The following SLIT3 variants were observed in gnomAD, a reference collection of about 807,000 sequenced individuals.
SLIT3 encodes slit guidance ligand 3.
SLIT3 carries 68 observed loss-of-function variants against 184.0 expected under a neutral mutation model. The ratio of observed to expected loss-of-function variants is 0.37; its 90% CI spans 0.30 to 0.45. The LOEUF is 0.45. SLIT3 is among the 20% of genes least tolerant of loss of function. SLIT3 has a pLI of 1.00. For synonymous variants in SLIT3, 831 were observed against 828.6 expected (o/e 1.00, Z -0.05); for missense variants, 1,707 against 2,026.0 (o/e 0.84, Z 3.02).
chr5:169,090,705 C>T (rs1759549661), intron 4 of SLIT3, among the ~76,000 whole-genome samples: 1 of 152,262 alleles, frequency 6.6e-6, no homozygotes, highest in African/African-American at 2.4e-5. Context: ...GACAGACACA[C>T]AGAAGAAAAG....
At chr5:168,727,565 G>A (rs879409394) in intron 20 of SLIT3, among the ~76,000 whole-genome samples, 1 of 152,122 alleles carries the variant, frequency 6.6e-6, no homozygotes, top group Non-Finnish European at 1.5e-5. Context: ...CTGAGGCCTT[G>A]GAGATTATTT....
intron 27 of SLIT3, among the ~76,000 whole-genome samples, chr5:168,697,635 A>G (rs1762101426): frequency 6.6e-6 from 1 of 152,206 alleles, no homozygotes; most frequent in Non-Finnish European, 1.5e-5. Context: ...CAGGCAGTGA[A>G]TTTCAGTGGT....
At chr5:168,675,432 C>A (rs559568211) in intron 32 of SLIT3, among the ~76,000 whole-genome samples, 1 of 152,266 alleles carries the variant, frequency 6.6e-6, no homozygotes, top group East Asian at 1.9e-4. Flanking sequence ...CCATTCTAGC[C>A]CCTTACTGCT....
chr5:168,770,065 AAGAC>A (rs1377521222), intron 14 of SLIT3, among the ~76,000 whole-genome samples: 6 of 152,216 alleles, frequency 3.9e-5, no homozygotes, highest in Non-Finnish European at 8.8e-5. Context: ...GGCATGAAGG[AAGAC>A]AGACAGCACC....
At chr5:169,075,100 A>G (rs188700612) in intron 4 of SLIT3, among the ~76,000 whole-genome samples, 1 of 152,158 alleles carries the variant, frequency 6.6e-6, no homozygotes, top group East Asian at 1.9e-4. Flanking sequence ...ATAATACATC[A>G]CCGAGAGACT....
rs375182422 is a variant in SLIT3, at chr5:169,233,619, G to A, written c.341+11086C>T. Reference sequence around the variant, plus strand: ...CCTATGTAACAAACCTGCACATACCGCACACGTACCCCGGAACTTAAAATT... The same window carrying A: ...CCTATGTAACAAACCTGCACATACCACACACGTACCCCGGAACTTAAAATT... On this transcript the variant is annotated intron_variant, in intron 3 of 35. Transcript: ENST00000519560. Among the ~76,000 whole-genome samples the A allele has an allele frequency of 6.9e-4, 105 of 152,228 alleles. 1 individual carries two copies. The South Asian group carries it at 0.014, about 20-fold the overall frequency.
intron 4 of SLIT3, among the ~76,000 whole-genome samples, chr5:169,113,649 T>C (rs887731887): frequency 6.7e-6 from 1 of 149,306 alleles, no homozygotes; most frequent in South Asian, 2.2e-4. Context: ...ATGCCTTTTT[T>C]TTCTTTTTCT....
chr5:169,195,215 T>G (rs13156959), intron 3 of SLIT3, among the ~76,000 whole-genome samples: 46,711 of 151,982 alleles, frequency 0.31, 7,851 homozygotes, highest in Middle Eastern at 0.42. Context: ...CAAGCAGACA[T>G]GATTTCCTAT....
intron 5 of SLIT3, among the ~76,000 whole-genome samples, chr5:168,849,905 A>G (rs571061598): frequency 1.3e-5 from 2 of 152,256 alleles, no homozygotes; most frequent in Admixed American, 6.5e-5. Flanking sequence ...TTGACATGCT[A>G]TTTCTTTCCT....
At chr5:168,886,547 T>TA (rs1295021560) in intron 4 of SLIT3, among the ~76,000 whole-genome samples, 2 of 152,190 alleles carry the variant, frequency 1.3e-5, no homozygotes, top group Non-Finnish European at 2.9e-5. Context: ...GTTGGGGTTT[T>TA]AGTGTCTCCC....
At chr5:168,816,290 G>A (rs553848789) in intron 8 of SLIT3, among the ~76,000 whole-genome samples, 26 of 152,200 alleles carry the variant, frequency 1.7e-4, no homozygotes, top group African/African-American at 4.8e-4. Context: ...AGGTTCAAGC[G>A]ATTCTCCTGC....
chr5:168,895,341 C>G (rs1283141490), intron 4 of SLIT3, among the ~76,000 whole-genome samples: 1 of 152,080 alleles, frequency 6.6e-6, no homozygotes, highest in East Asian at 1.9e-4. Context: ...TGCGGCTGCC[C>G]AGAGGTTGGA....
intron 5 of SLIT3, among the ~76,000 whole-genome samples, chr5:168,882,763 C>T (rs1760005117): frequency 6.6e-6 from 1 of 152,164 alleles, no homozygotes; most frequent in African/African-American, 2.4e-5. Context: ...GTCTCTCCAA[C>T]TTCCTGGGAT....
chr5:168,892,554 C>G (rs1383833497), intron 4 of SLIT3, among the ~76,000 whole-genome samples: 2 of 152,210 alleles, frequency 1.3e-5, no homozygotes, highest in African/African-American at 4.8e-5. Context: ...AGGTTGAAAG[C>G]CCTGAATCCA....
intron 4 of SLIT3, among the ~76,000 whole-genome samples, chr5:169,111,562 G>T (rs1312869199): frequency 6.6e-6 from 1 of 152,094 alleles, no homozygotes; most frequent in East Asian, 1.9e-4. Context: ...GACAAGCCTG[G>T]CCAACATGAT....
At chr5:169,131,887 A>C (rs1459100687) in intron 4 of SLIT3, among the ~76,000 whole-genome samples, 1 of 152,200 alleles carries the variant, frequency 6.6e-6, no homozygotes, top group Non-Finnish European at 1.5e-5. Flanking sequence ...CTTAAATATC[A>C]AACAAAGTCT....
At chr5:168,976,942 C>A (rs1754785369) in intron 4 of SLIT3, among the ~76,000 whole-genome samples, 1 of 152,144 alleles carries the variant, frequency 6.6e-6, no homozygotes, top group South Asian at 2.1e-4. Context: ...CCAACACACA[C>A]CAGGGAGGTA....
chr5:168,813,683 T>A (rs951293689), intron 8 of SLIT3, among the ~76,000 whole-genome samples: 4 of 152,092 alleles, frequency 2.6e-5, no homozygotes, highest in African/African-American at 9.7e-5. Flanking sequence ...GCTAGCAAAT[T>A]TCTGGGTTAG....
At chr5:169,274,098 G>C (rs1484392653) in intron 1 of SLIT3, among the ~76,000 whole-genome samples, 1 of 152,158 alleles carries the variant, frequency 6.6e-6, no homozygotes, top group Non-Finnish European at 1.5e-5. Flanking sequence ...CTGGGAACTT[G>C]CTAGAAGTGC....
Sources: allele counts gnomAD v4.1 joint callset (sites outside exome capture counted in the v4.1 genomes callset), GRCh38; gene constraint gnomAD v4.1.1; transcripts MANE v1.5; gene names NCBI Gene and HGNC (gene_info 2026-07-23, HGNC 2026-07-21).